NAV3: variants seen among roughly 807,000 people sequenced by gnomAD.
NAV3 encodes the protein neuron navigator 3.
NAV3 carries 87 observed loss-of-function variants against 244.7 expected under a neutral mutation model. The ratio of observed to expected loss-of-function variants is 0.36; its 90% CI spans 0.30 to 0.42. The LOEUF is 0.42. NAV3 is among the 20% of genes least tolerant of loss of function. NAV3 has a pLI of 1.00. For missense variants in NAV3, 2,663 were observed against 2,893.3 expected (o/e 0.92, Z 1.83); for synonymous variants, 1,126 against 1,042.2 (o/e 1.08, Z -1.55).
At chr12:77,951,438 T>C (rs546972492) in intron 3 of NAV3, among the ~76,000 whole-genome samples, 55 of 152,240 alleles carry the variant, frequency 3.6e-4, no homozygotes, top group African/African-American at 1.3e-3. Context: ...GGAGAGGATG[T>C]GGAGAAATGG....
At chr12:78,176,374 T>G (rs751569881) in intron 25 of NAV3, 65 bp from the exon 26 acceptor site, 47 of 1,531,820 alleles carry the variant, frequency 3.1e-5, no homozygotes, top group Non-Finnish European at 4.0e-5. Context: ...AGGTAATATT[T>G]TAAAATACTG....
chr12:78,106,649 C>T (rs186927097), intron 12 of NAV3, among the ~76,000 whole-genome samples: 1 of 152,332 alleles, frequency 6.6e-6, no homozygotes, highest in East Asian at 1.9e-4. Flanking sequence ...TCACTACTGC[C>T]TCTTCTGTCA....
intron 2 of NAV3, among the ~76,000 whole-genome samples, chr12:77,763,836 G>T (rs1869609898): frequency 6.6e-6 from 1 of 152,160 alleles, no homozygotes; most frequent in African/African-American, 2.4e-5. Flanking sequence ...AATTAGGAAT[G>T]GGTCCCACAC....
chr12:77,895,633 TTAAA>T (rs1458836541), intron 1 of NAV3, among the ~76,000 whole-genome samples: 5 of 152,048 alleles, frequency 3.3e-5, no homozygotes, highest in Admixed American at 3.3e-4. Flanking sequence ...TTGTATTTTC[TTAAA>T]TATTTAAAAG....
chr12:77,792,949 A>T (rs1057149945), intron 2 of NAV3, among the ~76,000 whole-genome samples: 9 of 152,158 alleles, frequency 5.9e-5, no homozygotes, highest in African/African-American at 1.7e-4. Context: ...GTGCTGGGTC[A>T]TGGCTAATTC....
At chr12:78,178,090 A>G (rs561476437) in intron 28 of NAV3, among the ~76,000 whole-genome samples, 1 of 152,014 alleles carries the variant, frequency 6.6e-6, no homozygotes, top group Non-Finnish European at 1.5e-5. Flanking sequence ...AACAGCAATA[A>G]TAGAACAATT....
chr12:78,156,652 A>C (rs1957316303), intron 22 of NAV3, among the ~76,000 whole-genome samples: 2 of 152,120 alleles, frequency 1.3e-5, no homozygotes, highest in Admixed American at 6.6e-5. Flanking sequence ...TAAAATGGAA[A>C]TATTGAGTAA....
intron 2 of NAV3, among the ~76,000 whole-genome samples, chr12:77,749,995 A>C (rs565498910): frequency 1.8e-4 from 27 of 152,214 alleles, no homozygotes; most frequent in Admixed American, 3.9e-4. Flanking sequence ...TCTGCAGTTC[A>C]ATAAAGTCAA....
At chr12:78,166,519 A>G (rs1957787556) in intron 23 of NAV3, among the ~76,000 whole-genome samples, 1 of 151,778 alleles carries the variant, frequency 6.6e-6, no homozygotes, top group South Asian at 2.1e-4. Flanking sequence ...AATTTTTTTC[A>G]TAGATAGGAT....
At chr12:77,966,325 G>T (rs1892509986) in intron 4 of NAV3, 24 bp downstream of exon 4, 10 of 1,559,802 alleles carry the variant, frequency 6.4e-6, no homozygotes, top group South Asian at 1.1e-5. Context: ...TGACTGAATT[G>T]TCACAAATGG....
chr12:77,883,539 G>C (rs2136643116), intron 1 of NAV3, among the ~76,000 whole-genome samples: 1 of 151,962 alleles, frequency 6.6e-6, no homozygotes, highest in Middle Eastern at 3.4e-3. Flanking sequence ...TCAGCATTAT[G>C]GAATATACAC....
intron 2 of NAV3, among the ~76,000 whole-genome samples, chr12:77,788,161 A>G (rs1870993966): frequency 6.6e-6 from 1 of 152,222 alleles, no homozygotes; most frequent in African/African-American, 2.4e-5. Flanking sequence ...ATTGTACTGA[A>G]TATCAATAGA....
At chr12:77,698,084 T>C (rs1033475843) in intron 2 of NAV3, among the ~76,000 whole-genome samples, 1 of 152,004 alleles carries the variant, frequency 6.6e-6, no homozygotes, top group Non-Finnish European at 1.5e-5. Flanking sequence ...TTGAGAATGA[T>C]CCAGAATGTG....
rs1869621044 is a variant in NAV3, at chr12:77,586,514, G to C, written c.72+14248G>C. 2.0e-5 allele frequency among the ~76,000 whole-genome samples: 3 copies of C among 152,146 alleles called. No individual in the cohort carries two copies. In the South Asian group the frequency reaches 6.2e-4, roughly 32 times the overall value. The stretch of plus-strand genomic sequence containing the variant: ...TGTAGAGAGGAATTCAATTCTAATA[G>C]AATGTTGATTAACTGAAGTGTTATT... On this transcript the variant is annotated intron_variant, in intron 2 of 8. Transcript: ENST00000550042.
At chr12:77,949,737 A>G (rs1890697476) in intron 3 of NAV3, among the ~76,000 whole-genome samples, 1 of 151,886 alleles carries the variant, frequency 6.6e-6, no homozygotes, top group Non-Finnish European at 1.5e-5. Flanking sequence ...ATTAAAGTTT[A>G]CTCTTGGTAT....
At chr12:78,194,415 G>A (rs1450944555) in intron 34 of NAV3, among the ~76,000 whole-genome samples, 1 of 151,746 alleles carries the variant, frequency 6.6e-6, no homozygotes, top group African/African-American at 2.4e-5. Flanking sequence ...TTCACCTCAT[G>A]GAACATAGAA....
At chr12:77,609,792 T>A (rs971324544) in intron 2 of NAV3, among the ~76,000 whole-genome samples, 1 of 152,006 alleles carries the variant, frequency 6.6e-6, no homozygotes, top group Non-Finnish European at 1.5e-5. Context: ...CACAAGGCAA[T>A]CCTCAAGGTC....
Position 77,753,897 on chromosome 12 carries a change from T to A in NAV3, c.72+181631T>A, listed in dbSNP as rs7310053. 7.6e-3 allele frequency among the ~76,000 whole-genome samples: 1,163 copies of A among 152,300 alleles called. 15 individuals carry two copies. Among genetic ancestry groups the A allele is most frequent in the African/African-American group, 0.026 (1,068 of 41,566 alleles). ...GAAAGATGTTTTGTCATTCTACTCATGGTTTACTAAGAAAGATTTAAATTT... is the reference window on the plus strand; with the variant it reads ...GAAAGATGTTTTGTCATTCTACTCAAGGTTTACTAAGAAAGATTTAAATTT... On this transcript the variant is annotated intron_variant, in intron 2 of 8. Transcript: ENST00000550042.
rs2137260333 is a variant in NAV3 at position 78,051,058 on chromosome 12, G to A, written c.2427G>A (p.Leu809=). 1 of 1,614,134 alleles carries A rather than the reference G, an allele frequency of 6.2e-7. No individual in the cohort carries two copies. Among genetic ancestry groups the A allele is most frequent in the Non-Finnish European group, 8.5e-7 (1 of 1,180,026 alleles). ...TGAGTGAGAAAGCAAGCAGTGACCT[G>A]GACATGTCTTCTGAGGTCGATGTGG... ...IDMSEKASSD[L]DMSSEVDVGG... Residue 809 remains leucine (L), a synonymous_variant, in exon 11 of 40, where the codon CTG becomes CTA. Coordinates refer to ENST00000397909, the MANE Select transcript of NAV3 (RefSeq NM_001024383.2).
Sources: allele counts gnomAD v4.1 joint callset (sites outside exome capture counted in the v4.1 genomes callset), GRCh38; gene constraint gnomAD v4.1.1; transcripts MANE v1.5; gene names NCBI Gene and HGNC (gene_info 2026-07-23, HGNC 2026-07-21).